The following EBF2 variants were observed in gnomAD, a reference collection of about 807,000 sequenced individuals.
EBF2 encodes the protein transcription factor COE2.
In EBF2, 21 loss-of-function variants were observed where a neutral mutation model predicts 72.8. The ratio of observed to expected loss-of-function variants is 0.29; its 90% CI spans 0.20 to 0.42. The LOEUF (loss-of-function observed/expected upper bound fraction) is 0.42. EBF2 is among the 10% of genes least tolerant of loss of function. The pLI, the probability that EBF2 is intolerant of heterozygous loss-of-function variation, is 1.00. For missense variants in EBF2, 637 were observed against 731.2 expected (o/e 0.87, Z 1.49); for synonymous variants, 299 against 274.2 (o/e 1.09, Z -0.89).
chr8:26,025,695 C>T (rs1341657836), intron 6 of EBF2, among the ~76,000 whole-genome samples: 1 of 152,134 alleles, frequency 6.6e-6, no homozygotes. Flanking sequence ...GACACTTTTT[C>T]CCAGCTACAG....
At chr8:25,938,996 C>A (rs1362372612) in intron 6 of EBF2, among the ~76,000 whole-genome samples, 2 of 152,122 alleles carry the variant, frequency 1.3e-5, no homozygotes, top group Non-Finnish European at 2.9e-5. Flanking sequence ...CCTCCATGGA[C>A]AGTTAGGAAA....
At chr8:25,897,057 G>A (rs1261339829) in intron 7 of EBF2, among the ~76,000 whole-genome samples, 2 of 152,002 alleles carry the variant, frequency 1.3e-5, no homozygotes, top group Admixed American at 6.6e-5. Flanking sequence ...TCATATTCCC[G>A]AAGGCTAAAT....
chr8:26,018,787 C>G (rs1021875852), intron 6 of EBF2, among the ~76,000 whole-genome samples: 2 of 151,996 alleles, frequency 1.3e-5, no homozygotes, highest in Admixed American at 1.3e-4. Context: ...GTGAAGAGGT[C>G]CCTGAGCTTG....
intron 6 of EBF2, among the ~76,000 whole-genome samples, chr8:25,943,037 T>C (rs966125240): frequency 2.0e-5 from 3 of 152,192 alleles, no homozygotes; most frequent in Non-Finnish European, 2.9e-5. Flanking sequence ...CCCAGGGCTC[T>C]TCTCCCTTCA....
rs767038573 is a variant in EBF2 at position 25,844,580 on chromosome 8, G to GT, written c.*28dup. The GT allele has an allele frequency of 6.2e-7, 1 of 1,613,480 alleles. No individual in the cohort carries two copies. The highest frequency in any genetic ancestry group is 8.5e-7 in the Non-Finnish European group (1 of 1,179,440). On this transcript the variant is annotated 3_prime_UTR_variant, in exon 16 of 16. Transcript: ENST00000520164. Reference sequence around the variant, plus strand: ...CATTATTGGTCCATCAGAGTAAGTAGTTTTGTGCTATAAGAAAGCAGTTCT... The same window carrying GT: ...CATTATTGGTCCATCAGAGTAAGTAGTTTTTGTGCTATAAGAAAGCAGTTCT...
intron 6 of EBF2, among the ~76,000 whole-genome samples, chr8:26,027,417 A>G (rs957922068): frequency 6.6e-6 from 1 of 152,000 alleles, no homozygotes; most frequent in Non-Finnish European, 1.5e-5. Flanking sequence ...CAATACCCAC[A>G]CCAAGATGGT....
chr8:25,966,864 C>G (rs1160826506), intron 6 of EBF2, among the ~76,000 whole-genome samples: 1 of 152,222 alleles, frequency 6.6e-6, no homozygotes, highest in African/African-American at 2.4e-5. Context: ...ACAGCCACAA[C>G]AAGCTGTGGT....
chr8:25,901,676 C>T (rs1438489263), intron 7 of EBF2, among the ~76,000 whole-genome samples: 2 of 152,286 alleles, frequency 1.3e-5, no homozygotes, highest in African/African-American at 4.8e-5. Flanking sequence ...ATAGGTGATG[C>T]TGTGGAAAGC....
intron 6 of EBF2, among the ~76,000 whole-genome samples, chr8:25,911,069 C>T (rs1803120790): frequency 1.3e-5 from 2 of 152,008 alleles, no homozygotes; most frequent in South Asian, 4.1e-4. Flanking sequence ...CCACCATGCT[C>T]AGGGTCTTGA....
intron 5 of EBF2, 100 bp downstream of exon 5, chr8:26,039,928 C>A: frequency 7.8e-7 from 1 of 1,288,832 alleles, no homozygotes; most frequent in Non-Finnish European, 1.1e-6. Flanking sequence ...CAGCTGCGAG[C>A]GCTCAGTCCT....
chr8:26,039,989 C>A (rs776194727), intron 5 of EBF2, 39 bp downstream of exon 5: 9 of 1,605,342 alleles, frequency 5.6e-6, no homozygotes, highest in East Asian at 4.5e-5. Flanking sequence ...GGAGCACCTG[C>A]GGGCTCTCCA....
intron 1 of EBF2, among the ~76,000 whole-genome samples, chr8:26,043,595 G>C (rs981688849): frequency 1.3e-5 from 2 of 152,212 alleles, no homozygotes; most frequent in Non-Finnish European, 2.9e-5. Flanking sequence ...AGGAGGGAGG[G>C]AACCGCCGCC....
intron 6 of EBF2, among the ~76,000 whole-genome samples, chr8:25,937,820 G>C (rs1803603284): frequency 6.6e-6 from 1 of 152,190 alleles, no homozygotes; most frequent in Non-Finnish European, 1.5e-5. Flanking sequence ...TTTTAAAACA[G>C]ATGTGGGCTG....
intron 5 of EBF2, among the ~76,000 whole-genome samples, chr8:26,035,847 C>T (rs1396396168): frequency 6.6e-6 from 1 of 152,152 alleles, no homozygotes; most frequent in Admixed American, 6.5e-5. Flanking sequence ...GCTGCTCTCC[C>T]ACCTCCTAAA....
At chr8:25,859,296 C>A (rs1399251506) in intron 13 of EBF2, among the ~76,000 whole-genome samples, 1 of 152,208 alleles carries the variant, frequency 6.6e-6, no homozygotes, top group Admixed American at 6.5e-5. Flanking sequence ...CATGCCATAG[C>A]ATCTTTTGGC....
chr8:25,979,518 C>T (rs1804325285), intron 6 of EBF2, among the ~76,000 whole-genome samples: 1 of 152,212 alleles, frequency 6.6e-6, no homozygotes, highest in South Asian at 2.1e-4. Context: ...CTGAAAGGCC[C>T]CACAGGCAAT....
At position 26,040,095 on chromosome 8, in the gene EBF2, C is replaced by A; in HGVS notation, c.415G>T (p.Ala139Ser). 1.9e-6 allele frequency: 3 copies of A among 1,613,178 alleles called. No homozygotes were observed. The highest frequency in any genetic ancestry group is 2.5e-6 in the Non-Finnish European group (3 of 1,179,630). ...LIDSVTKQPI[A>S]YEGQNKNPEM... ...GGATTCTTATTCTGTCCCTCGTAAG[C>A]GATGGGCTGTGAAGGAGGTAGTGGC... is the stretch of plus-strand genomic sequence containing the variant. The change falls in exon 5 of 16, where the codon GCT (alanine) becomes TCT (serine). Residue 139 changes from alanine (A) to serine (S), a missense_variant. By Grantham distance (99) the Ala-to-Ser change is moderately conservative. Coordinates refer to ENST00000520164, the MANE Select transcript of EBF2 (RefSeq NM_022659.4).
intron 6 of EBF2, among the ~76,000 whole-genome samples, chr8:25,951,351 C>A (rs1803858254): frequency 6.6e-6 from 1 of 152,100 alleles, no homozygotes; most frequent in African/African-American, 2.4e-5. Flanking sequence ...CTGAGATTAC[C>A]AGCTGGGAGA....
At chr8:26,007,913 AT>A (rs978428942) in intron 6 of EBF2, among the ~76,000 whole-genome samples, 11 of 151,858 alleles carry the variant, frequency 7.2e-5, no homozygotes, top group Non-Finnish European at 1.3e-4. Context: ...AAAAAAAAAA[AT>A]AATAATTTTA....
Sources: gnomAD v4.1 joint callset for allele counts (sites outside exome capture counted in the v4.1 genomes callset) on GRCh38, gnomAD v4.1.1 for gene constraint, MANE v1.5 for transcripts, NCBI Gene and HGNC (gene_info 2026-07-23, HGNC 2026-07-21) for gene names.